The following KMT2C variants were observed in gnomAD, a reference collection of about 807,000 sequenced individuals.
KMT2C encodes the protein histone-lysine N-methyltransferase 2C.
In KMT2C, 88 loss-of-function variants were observed where a neutral mutation model predicts 507.9. The ratio of observed to expected loss-of-function variants is 0.17; its 90% CI spans 0.15 to 0.21. The LOEUF (loss-of-function observed/expected upper bound fraction) is 0.21, where lower values mean the gene tolerates loss of function less well. Among genes scored for constraint, KMT2C ranks in the 10% least tolerant of loss-of-function variants. KMT2C has a pLI of 1.00. For synonymous variants in KMT2C, 2,049 were observed against 2,080.8 expected, an observed-to-expected ratio of 0.98 and a Z score of 0.42; for missense variants, 4,954 against 5,957.8, an observed-to-expected ratio of 0.83 and a Z score of 5.55.
At chr7:152,322,043 G>T (rs2096777339) in intron 3 of KMT2C, among the ~76,000 whole-genome samples, 1 of 150,728 alleles carries the variant, frequency 6.6e-6, no homozygotes, top group Admixed American at 6.6e-5. Context: ...AATCAAAATA[G>T]TATGGTACTG....
intron 6 of KMT2C, among the ~76,000 whole-genome samples, chr7:152,307,176 GAA>G (rs1354495249): frequency 3.5e-5 from 5 of 143,352 alleles, no homozygotes; most frequent in Admixed American, 7.1e-5. Context: ...GAAAGAAGAG[GAA>G]GGAAGGAAAG....
chr7:152,250,706 T>G, intron 12 of KMT2C, 147 bp downstream of exon 12: 4 of 547,856 alleles, frequency 7.3e-6, no homozygotes, highest in South Asian at 2.6e-5. Context: ...TCCTTTCTCC[T>G]ATTAATTTGT....
intron 1 of KMT2C, among the ~76,000 whole-genome samples, chr7:152,364,655 T>A (rs956019949): frequency 6.7e-6 from 1 of 149,460 alleles, no homozygotes; most frequent in Non-Finnish European, 1.5e-5. Context: ...AAATTTCACA[T>A]TGAAAAGTTA....
chr7:152,262,593 T>A (rs929403106), intron 9 of KMT2C, among the ~76,000 whole-genome samples: 1 of 152,226 alleles, frequency 6.6e-6, no homozygotes, highest in Non-Finnish European at 1.5e-5. Flanking sequence ...AATTGTGGTA[T>A]CTCCAGCACT....
chr7:152,263,587 A>T (rs1563641300), intron 8 of KMT2C, among the ~76,000 whole-genome samples: 1 of 152,158 alleles, frequency 6.6e-6, no homozygotes, highest in African/African-American at 2.4e-5. Context: ...CTGTGTCACT[A>T]AACAACTTAG....
intron 1 of KMT2C, among the ~76,000 whole-genome samples, chr7:152,373,745 T>C (rs2097308000): frequency 6.6e-6 from 1 of 152,126 alleles, no homozygotes; most frequent in Non-Finnish European, 1.5e-5. Context: ...CAGCATACAG[T>C]AGAAATAATT....
chr7:152,274,596 C>T (rs1369841692), intron 6 of KMT2C, among the ~76,000 whole-genome samples: 2 of 152,206 alleles, frequency 1.3e-5, no homozygotes, highest in African/African-American at 2.4e-5. Context: ...GTTGCATTTA[C>T]TTATTCAGTT....
At chr7:152,427,018 GTTTT>G in intron 1 of KMT2C, among the ~76,000 whole-genome samples, 1 of 149,290 alleles carries the variant, frequency 6.7e-6, no homozygotes, top group Middle Eastern at 3.4e-3. Context: ...TTTTTGTTTT[GTTTT>G]GTTTTGTTTT....
intron 6 of KMT2C, among the ~76,000 whole-genome samples, chr7:152,297,051 A>AGAG (rs2096514603): frequency 1.5e-4 from 9 of 60,264 alleles, no homozygotes; most frequent in South Asian, 6.0e-4. Context: ...GAAAGAAAGA[A>AGAG]AGACAGAGAG....
In KMT2C at chr7:152,159,036, A is replaced by G. The variant is rs762705172; in HGVS notation, c.11497T>C (p.Cys3833Arg). The G allele has an allele frequency of 6.2e-7, 1 of 1,614,196 alleles. No individual in the cohort carries two copies. The highest frequency in any genetic ancestry group is 8.5e-7 in the Non-Finnish European group (1 of 1,180,034). Residue 3833 changes from cysteine to arginine, a missense_variant, in exon 44 of 59, where the codon TGT becomes CGT. Cys to Arg is a radical substitution (Grantham distance 180). This residue lies in a region of KMT2C where 801 missense variants were observed against 751.2 expected (regional missense o/e 1.07). Transcript: ENST00000262189. ...TCTGTTTTTGGCAACTGGTTGCCAC[A>G]TCCAAAACCACCTTGCATTTGAGCC... The part of the protein sequence containing the change: ...LGAQMQGGFG[C>R]GNQLPKTDGG...
At chr7:152,321,280 T>C (rs1421007644) in intron 3 of KMT2C, among the ~76,000 whole-genome samples, 1 of 151,824 alleles carries the variant, frequency 6.6e-6, no homozygotes, top group Non-Finnish European at 1.5e-5. Context: ...CTAGAAAAGA[T>C]ATTGTTTAAG....
intron 9 of KMT2C, among the ~76,000 whole-genome samples, chr7:152,258,638 T>C (rs531962424): frequency 6.6e-6 from 1 of 152,102 alleles, no homozygotes; most frequent in South Asian, 2.1e-4. Context: ...AATTCTCCTG[T>C]CTCGGCATCC....
intron 1 of KMT2C, among the ~76,000 whole-genome samples, chr7:152,424,000 T>C (rs934161805): frequency 1.1e-4 from 17 of 152,242 alleles, no homozygotes; most frequent in African/African-American, 3.9e-4. Flanking sequence ...AATAAAAATC[T>C]GTATTTCAAA....
At chr7:152,330,946 A>G (rs2096876865) in intron 2 of KMT2C, among the ~76,000 whole-genome samples, 1 of 152,224 alleles carries the variant, frequency 6.6e-6, no homozygotes, top group South Asian at 2.1e-4. Context: ...AATAATGTGA[A>G]GCATGGTATA....
intron 1 of KMT2C, among the ~76,000 whole-genome samples, chr7:152,369,322 C>CA (rs1002641611): frequency 7.7e-4 from 98 of 127,338 alleles, no homozygotes; most frequent in Middle Eastern, 4.3e-3. Flanking sequence ...GGCCCTGTCT[C>CA]AAAAAAAAAC....
chr7:152,151,020 G>A lies in KMT2C; in HGVS notation c.12667-13C>T. 1 of 1,516,472 alleles carries A rather than the reference G, an allele frequency of 6.6e-7. No homozygotes were observed. The highest frequency in any genetic ancestry group is 9.1e-7 in the Non-Finnish European group (1 of 1,096,380). 93.9% of individuals were successfully genotyped at this position (1,516,472 alleles called of 1,614,324 possible). On this transcript the variant is annotated splice_polypyrimidine_tract_variant and intron_variant, in intron 50 of 58. Transcript: ENST00000262189. ...TTTCTCGGGAATCCTGAAAAGCAAA[G>A]AGAAATGTGTGGGAATCTCAACAAG...
At chr7:152,191,581 A>G (rs1294350073) in intron 31 of KMT2C, among the ~76,000 whole-genome samples, 1 of 152,190 alleles carries the variant, frequency 6.6e-6, no homozygotes, top group Non-Finnish European at 1.5e-5. Flanking sequence ...TTTATTCCCA[A>G]TATTGACACC....
intron 52 of KMT2C, among the ~76,000 whole-genome samples, chr7:152,147,273 G>A (rs1200934042): frequency 6.6e-6 from 1 of 152,010 alleles, no homozygotes; most frequent in East Asian, 1.9e-4. Flanking sequence ...CAAACTAAGT[G>A]TTTAATTTCC....
At chr7:152,169,131 T>C (rs1454704340) in intron 41 of KMT2C, 55 bp downstream of exon 41, 18 of 1,086,216 alleles carry the variant, frequency 1.7e-5, no homozygotes, top group South Asian at 8.7e-5. Flanking sequence ...ACAGCACACA[T>C]AGAGTGCAGA....
Sources: allele counts gnomAD v4.1 joint callset (sites outside exome capture counted in the v4.1 genomes callset), GRCh38; gene constraint gnomAD v4.1.1; regional missense constraint gnomAD v4.1.1; transcripts MANE v1.5; gene names NCBI Gene and HGNC (gene_info 2026-07-23, HGNC 2026-07-21).